Variants in YIF1B observed in about 807,000 individuals in gnomAD.
YIF1B encodes the protein Yip1 interacting factor homolog B, membrane trafficking protein.
In YIF1B, 24 loss-of-function variants were observed where a neutral mutation model predicts 34.6. The observed-to-expected ratio is 0.69, with a 90% CI of 0.50 to 0.98. The LOEUF is 0.98. YIF1B is among the 50% of genes least tolerant of loss of function. The pLI, the probability that YIF1B is intolerant of heterozygous loss-of-function variation, is 0.00. For missense variants in YIF1B, 368 were observed against 429.4 expected (o/e 0.86, Z 1.26); for synonymous variants, 186 against 184.8 (o/e 1.01, Z -0.05).
intron 1 of YIF1B, among the ~76,000 whole-genome samples, chr19:38,310,881 G>A (rs1329627841): frequency 6.6e-6 from 1 of 152,094 alleles, no homozygotes; most frequent in African/African-American, 2.4e-5. Context: ...CTCCCTTGGT[G>A]GCACTCCCCA....
At chr19:38,317,003 T>C (rs966615908), upstream of YIF1B, 1 of 152,174 alleles carries the variant, frequency 6.6e-6, no homozygotes, top group African/African-American at 2.4e-5. Context: ...CCCAACAAGT[T>C]AGGTGAGAAG....
intron 1 of YIF1B, among the ~76,000 whole-genome samples, chr19:38,312,759 TTG>T (rs1969374064): frequency 6.6e-6 from 1 of 152,200 alleles, no homozygotes; most frequent in African/African-American, 2.4e-5. Context: ...TGCAGAGCTG[TTG>T]TGACACTCAT....
chr19:38,315,624 T>C, intron 1 of YIF1B: 5 of 1,540,900 alleles, frequency 3.2e-6, no homozygotes, highest in South Asian at 1.2e-5. Context: ...TGAATGAAAG[T>C]TGCATTTCTC....
chr19:38,315,186 G>A (rs1475506653), intron 1 of YIF1B, among the ~76,000 whole-genome samples: 4 of 151,330 alleles, frequency 2.6e-5, no homozygotes, highest in African/African-American at 9.7e-5. Flanking sequence ...CGGAGGTTGC[G>A]GTGACCTGAG....
At chr19:38,312,575 T>G (rs1969367450) in intron 1 of YIF1B, among the ~76,000 whole-genome samples, 1 of 152,178 alleles carries the variant, frequency 6.6e-6, no homozygotes, top group African/African-American at 2.4e-5. Context: ...CAATAACCAA[T>G]GCTACCCTGC....
intron 1 of YIF1B, among the ~76,000 whole-genome samples, chr19:38,312,739 T>TTGCAGA (rs1678033271): frequency 6.6e-6 from 1 of 152,240 alleles, no homozygotes; most frequent in Non-Finnish European, 1.5e-5. Flanking sequence ...CGGAGTTAAC[T>TTGCAGA]GTCCCACCTT....
chr19:38,316,521 G>T (rs2145031761), upstream of YIF1B, among the ~76,000 whole-genome samples: 1 of 152,236 alleles, frequency 6.6e-6, no homozygotes, highest in Middle Eastern at 3.4e-3. Context: ...GAGCGAAAAG[G>T]TCGATGGGAA....
intron 7 of YIF1B, chr19:38,306,598 A>C (rs1316898668): frequency 1.0e-5 from 2 of 197,258 alleles, no homozygotes; most frequent in Non-Finnish European, 2.1e-5. Context: ...TCTGCTTCTC[A>C]CATGCTCACA....
chr19:38,308,784 T>A lies in YIF1B; in HGVS notation c.539+8A>T. The stretch of plus-strand genomic sequence containing the variant: ...CACCTTATTCGGCCTGCCCCAGGCC[T>A]CCCTTACCTATCCTGGGTCCCCAGC... On this transcript the variant is annotated splice_region_variant and intron_variant, in intron 5 of 7. Coordinates refer to ENST00000339413, the MANE Select transcript of YIF1B (RefSeq NM_001039672.3). 6.2e-7 allele frequency: 1 copy of A among 1,613,742 alleles called. No homozygotes were observed. The highest frequency in any genetic ancestry group is 8.5e-7 in the Non-Finnish European group (1 of 1,179,844).
At chr19:38,319,224 G>C (rs537236333), upstream of YIF1B, among the ~76,000 whole-genome samples, 5 of 152,096 alleles carry the variant, frequency 3.3e-5, no homozygotes, top group Admixed American at 2.0e-4. Context: ...AGCCTCCCGA[G>C]TAGCTGGGAC....
In YIF1B at chr19:38,304,910, G is replaced by GAAGAAGAAGGGC. The variant is rs1555718998; in HGVS notation, c.*441_*442insGCCCTTCTTCTT. ...GCAAGGCCAAGAAGCCCAAAGTGAAGAAGAAGGAGAAGGGCAAGAAGGAGA... is the reference window on the plus strand; with the variant it reads ...GCAAGGCCAAGAAGCCCAAAGTGAAGAAGAAGAAGGGCAAGAAGGAGAAGGGCAAGAAGGAGA... On this transcript the variant is annotated 3_prime_UTR_variant, in exon 8 of 8. Transcript: ENST00000339413. 1.3e-6 allele frequency: 2 copies of GAAGAAGAAGGGC among 1,571,340 alleles called. No individual in the cohort carries two copies. The highest frequency in any genetic ancestry group is 1.4e-5 in the African/African-American group (1 of 70,122).
At chr19:38,308,939 G>C (rs373184680) in intron 4 of YIF1B, 40 bp downstream of exon 4, 15 of 1,612,432 alleles carry the variant, frequency 9.3e-6, no homozygotes, top group African/African-American at 1.3e-5. Flanking sequence ...ATATAGGCCC[G>C]GAAGAGAGAG....
intron 1 of YIF1B, among the ~76,000 whole-genome samples, chr19:38,310,838 G>A (rs1042260780): frequency 1.3e-5 from 2 of 152,044 alleles, no homozygotes; most frequent in Non-Finnish European, 2.9e-5. Context: ...TGTTCAGTGA[G>A]GCCTTCCCCA....
intron 1 of YIF1B, among the ~76,000 whole-genome samples, chr19:38,312,245 A>T (rs1969355591): frequency 6.6e-6 from 1 of 151,954 alleles, no homozygotes; most frequent in East Asian, 1.9e-4. Context: ...ACATAGTGAA[A>T]CCCCATCTCT....
chr19:38,307,100 G>A, intron 7 of YIF1B: 1 of 490,362 alleles, frequency 2.0e-6, no homozygotes, highest in Non-Finnish European at 4.0e-6. Context: ...CAGTGGGAAG[G>A]GCTCTAGAGA....
Position 38,304,222 on chromosome 19 carries a change from C to T in YIF1B, c.*1130G>A, listed in dbSNP as rs758814002. The T allele has an allele frequency of 5.6e-6, 9 of 1,612,530 alleles. No individual in the cohort carries two copies. Among genetic ancestry groups the T allele is most frequent in the South Asian group, 5.5e-5 (5 of 90,930 alleles). On this transcript the variant is annotated 3_prime_UTR_variant, in exon 8 of 8. Coordinates refer to ENST00000339413, the MANE Select transcript of YIF1B (RefSeq NM_001039672.3). The stretch of plus-strand genomic sequence containing the variant: ...CCCTGCTCCGCTCCTCTGCAGGGCC[C>T]AGGCGCCCTTGGCCTTAGGACCCAA...
At chr19:38,315,324 C>G in intron 1 of YIF1B, 5 of 1,043,754 alleles carry the variant, frequency 4.8e-6, no homozygotes, top group Non-Finnish European at 5.8e-6. Context: ...CATGTGCCTC[C>G]TCAGGGCTCC....
intron 1 of YIF1B, 74 bp from the exon 2 acceptor site, chr19:38,309,717 C>T (rs913227865): frequency 6.6e-7 from 1 of 1,517,664 alleles, no homozygotes; most frequent in South Asian, 1.3e-5. Flanking sequence ...CTCATTCATC[C>T]CACAGCTCTG....
chr19:38,312,526 T>C (rs1969365221), intron 1 of YIF1B, among the ~76,000 whole-genome samples: 2 of 152,214 alleles, frequency 1.3e-5, no homozygotes, highest in Admixed American at 6.5e-5. Flanking sequence ...GGGCGGGATT[T>C]GAACCCAGCA....
Sources: allele counts gnomAD v4.1 joint callset (sites outside exome capture counted in the v4.1 genomes callset), GRCh38; gene constraint gnomAD v4.1.1; transcripts MANE v1.5; gene names NCBI Gene and HGNC (gene_info 2026-07-23, HGNC 2026-07-21).